The following FCGR3A variants were observed in gnomAD, a reference collection of about 807,000 sequenced individuals.
The protein encoded by FCGR3A is Fc gamma receptor IIIa.
Under a neutral mutation model 24.1 loss-of-function variants are expected in FCGR3A, and 13 were observed. That is an observed-to-expected ratio of 0.54 (90% CI 0.35 to 0.86). The LOEUF is 0.86. FCGR3A is among the 40% of genes least tolerant of loss of function. The pLI is 0.01. For synonymous variants in FCGR3A, 93 were observed against 112.2 expected, an observed-to-expected ratio of 0.83 and a Z score of 1.08; for missense variants, 235 against 298.0, an observed-to-expected ratio of 0.79 and a Z score of 1.56.
upstream of FCGR3A, chr1:161,549,877 C>G: frequency 1.9e-6 from 3 of 1,606,902 alleles, no homozygotes; most frequent in Non-Finnish European, 1.7e-6. Flanking sequence ...TTTCTTGAAA[C>G]TTCATCTGAC....
chr1:161,544,533 C>T (rs1012588774), intron 4 of FCGR3A, among the ~76,000 whole-genome samples, 168 bp downstream of exon 4: 2 of 150,966 alleles, frequency 1.3e-5, no homozygotes, highest in Non-Finnish European at 1.5e-5. Context: ...TGCAAACCTA[C>T]CCTGCAATCA....
chr1:161,548,028 C>T (rs1345156671), intron 3 of FCGR3A, among the ~76,000 whole-genome samples: 2,453 of 150,966 alleles, frequency 0.016, no homozygotes, highest in African/African-American at 0.058. Flanking sequence ...CTGAGATTGC[C>T]GCATTGCACT....
chr1:161,548,282 A>G, intron 3 of FCGR3A, 139 bp downstream of exon 3: 3 of 1,442,416 alleles, frequency 2.1e-6, no homozygotes, highest in Non-Finnish European at 2.9e-6. Flanking sequence ...TACAACTCTG[A>G]TACCATTCAG....
chr1:161,548,631 C>G lies in FCGR3A; in HGVS notation c.109G>C (p.Val37Leu). 1 of 1,613,926 alleles carries G rather than the reference C, an allele frequency of 6.2e-7. No individual in the cohort carries two copies. The highest frequency in any genetic ancestry group is 8.5e-7 in the Non-Finnish European group (1 of 1,179,832). The change falls in exon 3 of 5, where the codon GTG becomes CTG. Residue 37 changes from valine (V) to leucine (L), a missense_variant. Transcript: ENST00000443193. ...VVFLEPQWYR[V>L]LEKDSVTLKC... is the part of the protein sequence containing the mutation. ...AGAGTCACACTGTCCTTCTCGAGCA[C>G]CCTGTACCATTGAGGCTCCAGGAAC...
upstream of FCGR3A, chr1:161,550,097 C>T (rs933673873): frequency 3.5e-6 from 2 of 569,190 alleles, no homozygotes; most frequent in African/African-American, 1.9e-5. Context: ...CACCCAGCAC[C>T]AAGAATGGGA....
At chr1:161,546,766 G>A (rs541823224) in intron 3 of FCGR3A, among the ~76,000 whole-genome samples, 2 of 151,920 alleles carry the variant, frequency 1.3e-5, no homozygotes, top group Non-Finnish European at 2.9e-5. Flanking sequence ...TTAGCCGGGC[G>A]TGGTGGCATG....
upstream of FCGR3A, chr1:161,549,932 A>T: frequency 6.7e-7 from 1 of 1,494,686 alleles, no homozygotes; most frequent in South Asian, 1.3e-5. Context: ...ATAGAACAGG[A>T]CCAGGAAGGA....
rs1557851840 is a variant in FCGR3A at position 161,542,994 on chromosome 1, A to G, written c.*18T>C. 2 of 1,590,574 alleles carry G rather than the reference A, an allele frequency of 1.3e-6. No homozygotes were observed. The highest frequency in any genetic ancestry group is 1.7e-6 in the Non-Finnish European group (2 of 1,165,744). On this transcript the variant is annotated 3_prime_UTR_variant, in exon 5 of 5. Transcript: ENST00000443193. ...AGATGCTGCTGCTACTGCTCTTATT[A>G]CCCCCATGGGATGGGGGTCATTTGT...
At chr1:161,545,651 G>C (rs1677356695) in intron 3 of FCGR3A, 1 of 151,810 alleles carries the variant, frequency 6.6e-6, no homozygotes, top group South Asian at 2.1e-4. Context: ...ATGTCACCAA[G>C]TAATTTACTG....
intron 3 of FCGR3A, among the ~76,000 whole-genome samples, chr1:161,546,631 C>A (rs777081123): frequency 2.6e-5 from 4 of 151,934 alleles, no homozygotes; most frequent in Non-Finnish European, 5.9e-5. Context: ...GCAGGCTGGG[C>A]GCGGTGGCTC....
rs745497558 is a variant in FCGR3A, at chr1:161,548,460, A to G, written c.280T>C (p.Ser94Pro). The G allele has an allele frequency of 1.9e-6, 3 of 1,613,994 alleles. No individual in the cohort carries two copies. Among genetic ancestry groups the G allele is most frequent in the Admixed American group, 1.7e-5 (1 of 60,018 alleles). Reference sequence around the variant, plus strand: ...AGCTGCACCGGGTCACTGAGGGTGGAGAGGTTTGTCTGGCACCTGTACTCT... The same window carrying G: ...AGCTGCACCGGGTCACTGAGGGTGGGGAGGTTTGTCTGGCACCTGTACTCT... ...SGEYRCQTNLSTLSDPVQLEV... is the reference protein window; with the variant it reads ...SGEYRCQTNLPTLSDPVQLEV... The change falls in exon 3 of 5, where the codon TCC becomes CCC. Residue 94 changes from serine to proline, a missense_variant. Ser to Pro is a moderately conservative substitution (Grantham distance 74, BLOSUM62 -1). Transcript: ENST00000443193.
chr1:161,546,099 T>TA (rs1677382042), intron 3 of FCGR3A, among the ~76,000 whole-genome samples: 1 of 152,092 alleles, frequency 6.6e-6, no homozygotes, highest in South Asian at 2.1e-4. Flanking sequence ...TACTATAATT[T>TA]AAAAAATCTA....
At chr1:161,550,058 A>T, upstream of FCGR3A, 1 of 604,490 alleles carries the variant, frequency 1.7e-6, no homozygotes, top group Non-Finnish European at 2.9e-6. Context: ...CCATCCCAGG[A>T]TGCTTGCCCC....
In FCGR3A at chr1:161,548,596, C is replaced by G. The variant is rs1311721471; in HGVS notation, c.144G>C (p.Gln48His). The change falls in exon 3 of 5, where the codon CAG becomes CAC. Residue 48 changes from glutamine (Q) to histidine (H), a missense_variant. By Grantham distance (24) the Gln-to-His change is conservative. Coordinates refer to ENST00000443193, the MANE Select transcript of FCGR3A (RefSeq NM_000569.8). ...LEKDSVTLKC[Q>H]GAYSPEDNST... Reference sequence around the variant, plus strand: ...AATTGTCCTCAGGGGAGTAGGCTCCCTGGCACTTCAGAGTCACACTGTCCT... The same window carrying G: ...AATTGTCCTCAGGGGAGTAGGCTCCGTGGCACTTCAGAGTCACACTGTCCT... 1.2e-6 allele frequency: 2 copies of G among 1,613,988 alleles called. No homozygotes were observed. Among genetic ancestry groups the G allele is most frequent in the East Asian group, 2.2e-5 (1 of 44,888 alleles).
chr1:161,548,646 G>C lies in FCGR3A; in HGVS notation c.94C>G (p.Pro32Ala). 6.2e-7 allele frequency: 1 copy of C among 1,613,916 alleles called. No individual in the cohort carries two copies. The highest frequency in any genetic ancestry group is 8.5e-7 in the Non-Finnish European group (1 of 1,179,816). Reference sequence around the variant, plus strand: ...TTCTCGAGCACCCTGTACCATTGAGGCTCCAGGAACACCACAGCCTTTGGG... The same window carrying C: ...TTCTCGAGCACCCTGTACCATTGAGCCTCCAGGAACACCACAGCCTTTGGG... ...DLPKAVVFLEPQWYRVLEKDS... is the reference protein window; with the variant it reads ...DLPKAVVFLEAQWYRVLEKDS... The change falls in exon 3 of 5, where the codon CCT (proline) becomes GCT (alanine). Residue 32 changes from proline to alanine, a missense_variant. Physicochemically the swap from Pro to Ala is conservative, Grantham distance 27 (BLOSUM62 -1). Coordinates refer to ENST00000443193, the MANE Select transcript of FCGR3A (RefSeq NM_000569.8).
At chr1:161,549,930 G>A (rs945689271), upstream of FCGR3A, 87 of 1,493,902 alleles carry the variant, frequency 5.8e-5, no homozygotes, top group Non-Finnish European at 7.5e-5. Flanking sequence ...CCATAGAACA[G>A]GACCAGGAAG....
chr1:161,548,164 T>G (rs1677525018), intron 3 of FCGR3A, among the ~76,000 whole-genome samples: 1 of 152,308 alleles, frequency 6.6e-6, no homozygotes, highest in South Asian at 2.1e-4. Flanking sequence ...CACATTCACA[T>G]TGTATGCACT....
At chr1:161,547,803 C>T (rs1468633251) in intron 3 of FCGR3A, among the ~76,000 whole-genome samples, 5 of 152,286 alleles carry the variant, frequency 3.3e-5, no homozygotes, top group African/African-American at 7.2e-5. Context: ...GGTGTGGTGG[C>T]TCACGCCTGT....
At chr1:161,546,048 A>T (rs1035363691) in intron 3 of FCGR3A, among the ~76,000 whole-genome samples, 2 of 152,092 alleles carry the variant, frequency 1.3e-5, no homozygotes, top group African/African-American at 2.4e-5. Context: ...AACAAAATTT[A>T]CAATAATTTT....
Sources: gnomAD v4.1 joint callset for allele counts (sites outside exome capture counted in the v4.1 genomes callset) on GRCh38, gnomAD v4.1.1 for gene constraint, MANE v1.5 for transcripts, NCBI Gene and HGNC (gene_info 2026-07-23, HGNC 2026-07-21) for gene names.